Variants in AGBL4 observed in about 807,000 individuals in gnomAD.
AGBL4 encodes the protein cytosolic carboxypeptidase 6.
Under a neutral mutation model 66.4 loss-of-function variants are expected in AGBL4, and 58 were observed. The ratio of observed to expected loss-of-function variants is 0.87; its 90% confidence interval spans 0.71 to 1.09. The LOEUF (loss-of-function observed/expected upper bound fraction) is 1.09, where lower values mean the gene tolerates loss of function less well. Ranked by LOEUF, AGBL4 falls within the 50% of genes least tolerant of loss-of-function variation. AGBL4 has a pLI of 0.00. For missense variants in AGBL4, 579 were observed against 631.0 expected (o/e 0.92, Z 0.88); for synonymous variants, 234 against 222.9 (o/e 1.05, Z -0.44).
intron 3 of AGBL4, among the ~76,000 whole-genome samples, chr1:49,345,065 G>A (rs1379926048): frequency 2.6e-5 from 4 of 152,000 alleles, no homozygotes; most frequent in Non-Finnish European, 5.9e-5. Flanking sequence ...AATCCTTTTT[G>A]ATATTAGGCC....
At chr1:49,688,324 T>C (rs1646824003) in intron 3 of AGBL4, among the ~76,000 whole-genome samples, 1 of 152,184 alleles carries the variant, frequency 6.6e-6, no homozygotes, top group Non-Finnish European at 1.5e-5. Flanking sequence ...AGAGAGAGCA[T>C]GTAAAGTCTG....
At chr1:49,342,328 G>A (rs559765414) in intron 3 of AGBL4, among the ~76,000 whole-genome samples, 92 of 152,124 alleles carry the variant, frequency 6.0e-4, no homozygotes, top group Non-Finnish European at 7.4e-4. Flanking sequence ...TCACAGAGAG[G>A]TGGACACCAC....
rs758865769 is a variant in AGBL4 at position 49,245,883 on chromosome 1, G to A, written c.283-19C>T. ...TGACCCTCTGAAAAAGAAAGAGGGAGAAGTTCATCTTTATGCTATGCAAAT... is the reference window on the plus strand; with the variant it reads ...TGACCCTCTGAAAAAGAAAGAGGGAAAAGTTCATCTTTATGCTATGCAAAT... On this transcript the variant is annotated intron_variant, in intron 3 of 13. Coordinates refer to ENST00000371839, the MANE Select transcript of AGBL4 (RefSeq NM_032785.4). 2.7e-6 allele frequency: 4 copies of A among 1,487,948 alleles called. No individual in the cohort carries two copies. The South Asian group carries it at 4.8e-5, about 18-fold the overall frequency. 92.2% of individuals were successfully genotyped at this position (1,487,948 alleles called of 1,614,324 possible).
intron 6 of AGBL4, among the ~76,000 whole-genome samples, chr1:48,690,229 G>T (rs1646607884): frequency 2.0e-5 from 3 of 152,200 alleles, no homozygotes; most frequent in Admixed American, 2.0e-4. Context: ...TAGTTTCACT[G>T]GACTGGAGGG....
At chr1:49,856,160 A>T (rs1353019304) in intron 1 of AGBL4, among the ~76,000 whole-genome samples, 1 of 152,062 alleles carries the variant, frequency 6.6e-6, no homozygotes, top group Admixed American at 6.5e-5. Flanking sequence ...TAAATTTGTG[A>T]ATATATATAA....
chr1:49,833,473 C>T (rs971599488), intron 2 of AGBL4, among the ~76,000 whole-genome samples: 27 of 152,194 alleles, frequency 1.8e-4, no homozygotes, highest in East Asian at 5.8e-4. Context: ...CTTGGCGATG[C>T]GGGCTCTTTT....
intron 3 of AGBL4, among the ~76,000 whole-genome samples, chr1:49,424,183 C>T (rs1645608342): frequency 6.6e-6 from 1 of 152,180 alleles, no homozygotes; most frequent in African/African-American, 2.4e-5. Context: ...CTATGTCCAA[C>T]ACTTTAGCAG....
intron 4 of AGBL4, among the ~76,000 whole-genome samples, chr1:49,088,804 C>T (rs589436): frequency 0.09 from 13,728 of 152,076 alleles, 884 homozygotes; most frequent in East Asian, 0.28. Flanking sequence ...ACACATTCTT[C>T]TCACATATCT....
At chr1:49,405,751 C>T (rs2148618665) in intron 3 of AGBL4, among the ~76,000 whole-genome samples, 1 of 152,298 alleles carries the variant, frequency 6.6e-6, no homozygotes, top group Middle Eastern at 3.4e-3. Context: ...TTTATCAGGG[C>T]AACCTCTGAA....
At chr1:48,755,634 C>G (rs1652434141) in intron 6 of AGBL4, among the ~76,000 whole-genome samples, 2 of 152,190 alleles carry the variant, frequency 1.3e-5, no homozygotes, top group South Asian at 4.1e-4. Context: ...TCTGGTTGTT[C>G]TCTGCCTTCT....
intron 5 of AGBL4, among the ~76,000 whole-genome samples, chr1:48,992,299 T>C (rs1660658148): frequency 6.6e-6 from 1 of 151,976 alleles, no homozygotes; most frequent in Non-Finnish European, 1.5e-5. Flanking sequence ...GAAAGAATTA[T>C]CTGGATTACC....
At chr1:49,254,902 C>T (rs571499384) in intron 3 of AGBL4, among the ~76,000 whole-genome samples, 7 of 151,994 alleles carry the variant, frequency 4.6e-5, no homozygotes, top group African/African-American at 7.2e-5. Context: ...GACAAAAACA[C>T]GCAATGGGGA....
At chr1:49,560,777 C>A (rs1644018811) in intron 3 of AGBL4, among the ~76,000 whole-genome samples, 1 of 93,754 alleles carries the variant, frequency 1.1e-5, no homozygotes. Flanking sequence ...TCAATGGAAA[C>A]CTTACAAACT....
chr1:48,693,349 C>T (rs1326683063), intron 6 of AGBL4, among the ~76,000 whole-genome samples: 1 of 152,202 alleles, frequency 6.6e-6, no homozygotes, highest in African/African-American at 2.4e-5. Context: ...CCAGAGGTTA[C>T]ATTTCTTGTC....
At chr1:49,414,467 G>A (rs1043717674) in intron 3 of AGBL4, among the ~76,000 whole-genome samples, 2 of 152,090 alleles carry the variant, frequency 1.3e-5, no homozygotes, top group Non-Finnish European at 2.9e-5. Context: ...AAATATTTTT[G>A]AAGTGAAATT....
At chr1:49,887,721 A>T in intron 1 of AGBL4, among the ~76,000 whole-genome samples, 1 of 152,182 alleles carries the variant, frequency 6.6e-6, no homozygotes, top group Non-Finnish European at 1.5e-5. Context: ...TAGATGAAAG[A>T]TTATGAGAGT....
chr1:49,268,295 C>T (rs1288818396), intron 3 of AGBL4: 1 of 152,012 alleles, frequency 6.6e-6, no homozygotes. Context: ...GGCTATTCAT[C>T]AGGCACAGGG....
rs371229517 is a variant in AGBL4, at chr1:50,003,277, C to G, written c.34+20486G>C. On this transcript the variant is annotated intron_variant, in intron 1 of 13. Transcript: ENST00000371839. ...GCTTTTTGAAAATGAGTAAATGAAA[C>G]TTGCAAGGCAAAGAGACAGATAGTT... Among the ~76,000 whole-genome samples, 38 of 152,304 alleles carry G rather than the reference C, an allele frequency of 2.5e-4. 1 individual carries two copies. Among genetic ancestry groups the G allele is most frequent in the African/African-American group, 9.1e-4 (38 of 41,580 alleles).
At chr1:49,884,180 C>T (rs1429841539) in intron 1 of AGBL4, among the ~76,000 whole-genome samples, 1 of 151,926 alleles carries the variant, frequency 6.6e-6, no homozygotes, top group Non-Finnish European at 1.5e-5. Context: ...ATTCAGATTT[C>T]ACAGTCACAT....
Sources: allele counts gnomAD v4.1 joint callset (sites outside exome capture counted in the v4.1 genomes callset), GRCh38; gene constraint gnomAD v4.1.1; transcripts MANE v1.5; gene names NCBI Gene and HGNC (gene_info 2026-07-23, HGNC 2026-07-21).